BEND7: variants seen among roughly 807,000 people sequenced by gnomAD.
BEND7 encodes the protein BEN domain-containing protein 7.
Under a neutral mutation model 50.9 loss-of-function variants are expected in BEND7, and 28 were observed. That is an observed-to-expected ratio of 0.55 (90% CI 0.41 to 0.75). The LOEUF (loss-of-function observed/expected upper bound fraction) is 0.75, where lower values mean the gene tolerates loss of function less well. BEND7 is among the 30% of genes least tolerant of loss of function. The pLI is 0.00. For missense variants in BEND7, 477 were observed against 491.3 expected (o/e 0.97, Z 0.28); for synonymous variants, 170 against 183.9 (o/e 0.92, Z 0.61).
At chr10:13,513,894 A>G (rs566729339) in intron 2 of BEND7, among the ~76,000 whole-genome samples, 1 of 152,234 alleles carries the variant, frequency 6.6e-6, no homozygotes, top group Non-Finnish European at 1.5e-5. Context: ...TGCACATGAG[A>G]ACCACTGGGG....
intron 2 of BEND7, among the ~76,000 whole-genome samples, chr10:13,514,193 G>A (rs2132520467): frequency 6.6e-6 from 1 of 152,256 alleles, no homozygotes; most frequent in Admixed American, 6.5e-5. Flanking sequence ...AACCTAGTGG[G>A]TTCTACAACC....
At chr10:13,496,733 C>T (rs780036951) in intron 4 of BEND7, 33 bp downstream of exon 4, 1 of 1,598,620 alleles carries the variant, frequency 6.3e-7, no homozygotes, top group Non-Finnish European at 8.5e-7. Flanking sequence ...CATTAAAAAT[C>T]AAAGGACTCA....
intron 8 of BEND7, 135 bp from the exon 9 acceptor site, chr10:13,441,885 G>T: frequency 1.2e-6 from 1 of 841,674 alleles, no homozygotes. Flanking sequence ...AGAAAAAGAA[G>T]CCACACATAT....
chr10:13,481,822 G>T (rs933489803), intron 5 of BEND7, among the ~76,000 whole-genome samples: 9 of 152,232 alleles, frequency 5.9e-5, no homozygotes, highest in African/African-American at 2.2e-4. Flanking sequence ...CTAGCACACT[G>T]CTTCCCTGGC....
intron 7 of BEND7, among the ~76,000 whole-genome samples, chr10:13,449,570 C>T (rs1837234453): frequency 6.6e-6 from 1 of 152,204 alleles, no homozygotes; most frequent in African/African-American, 2.4e-5. Flanking sequence ...ATACCATATG[C>T]ATCGATATGA....
At chr10:13,511,342 G>C (rs1488029152) in intron 2 of BEND7, 1 of 152,100 alleles carries the variant, frequency 6.6e-6, no homozygotes, top group Non-Finnish European at 1.5e-5. Flanking sequence ...TTTTGTTTTT[G>C]GCTTTATAAA....
At chr10:13,463,749 T>G (rs2073952565) in intron 6 of BEND7, among the ~76,000 whole-genome samples, 1 of 152,154 alleles carries the variant, frequency 6.6e-6, no homozygotes, top group African/African-American at 2.4e-5. Flanking sequence ...AAATCTCAAC[T>G]TCGGTAAGAT....
At chr10:13,489,217 C>T (rs2076471448) in intron 5 of BEND7, among the ~76,000 whole-genome samples, 1 of 152,136 alleles carries the variant, frequency 6.6e-6, no homozygotes, top group South Asian at 2.1e-4. Flanking sequence ...CAGGGTCACA[C>T]AGCTGAGAGT....
At chr10:13,518,392 G>A (rs575360616) in intron 2 of BEND7, among the ~76,000 whole-genome samples, 5 of 152,328 alleles carry the variant, frequency 3.3e-5, no homozygotes, top group South Asian at 2.1e-4. Context: ...TCAGAAACCC[G>A]ACAGGCACTA....
At chr10:13,450,263 A>G (rs1196941815) in intron 7 of BEND7, among the ~76,000 whole-genome samples, 2 of 152,222 alleles carry the variant, frequency 1.3e-5, no homozygotes, top group African/African-American at 4.8e-5. Flanking sequence ...TCTCTACCTC[A>G]TTCCAGGAAT....
At position 13,518,651 on chromosome 10, in the gene BEND7, G is replaced by A. The variant is rs960729105; in HGVS notation, c.145+7487C>T. On this transcript the variant is annotated intron_variant, in intron 2 of 8. Transcript: ENST00000466271. ...CTTTCATATGTGAGTTCTCCTTTTC[G>A]GTGTCTTCTGGATTTGAAAAAAGAA... Among the ~76,000 whole-genome samples the A allele has an allele frequency of 3.3e-5, 5 of 152,046 alleles. No homozygotes were observed. The South Asian group carries it at 6.2e-4, about 19-fold the overall frequency.
chr10:13,518,779 G>A (rs2078876033), intron 2 of BEND7, among the ~76,000 whole-genome samples: 3 of 152,150 alleles, frequency 2.0e-5, no homozygotes, highest in Admixed American at 2.0e-4. Flanking sequence ...CTCACTAAAT[G>A]TCTCTAAAAT....
chr10:13,518,026 A>T (rs2078819575), intron 2 of BEND7, among the ~76,000 whole-genome samples: 1 of 152,256 alleles, frequency 6.6e-6, no homozygotes, highest in Non-Finnish European at 1.5e-5. Flanking sequence ...TTCACTGTAT[A>T]GATGGCCATA....
rs763762686 is a variant in BEND7, at chr10:13,528,583, CA to C, written c.-51del. 2,717 of 7,896 alleles carry C rather than the reference CA, an allele frequency of 0.34. 90 individuals are homozygous for C. Among genetic ancestry groups the C allele is most frequent in the South Asian group, 0.51 (1,415 of 2,762 alleles). 0.5% of individuals were successfully genotyped at this position (7,896 alleles called of 1,614,324 possible). ...GCTGAGGAGGCGGCGGCAGCGGCGG[CA>C]GCGGCAGCGGCGGCAGCGGCAGCGG... On this transcript the variant is annotated 5_prime_UTR_variant, in exon 1 of 9. Transcript: ENST00000466271.
Position 13,441,447 on chromosome 10 carries a change from A to AT in BEND7, c.*295_*296insA. 8.8e-7 allele frequency: 1 copy of AT among 1,141,748 alleles called. No homozygotes were observed. The highest frequency in any genetic ancestry group is 1.1e-6 in the Non-Finnish European group (1 of 942,640). 70.7% of individuals were successfully genotyped at this position (1,141,748 alleles called of 1,614,324 possible). On this transcript the variant is annotated 3_prime_UTR_variant, in exon 9 of 9. Coordinates refer to ENST00000466271, the MANE Select transcript of BEND7 (RefSeq NM_001369863.1). ...TCCAGTGTGTAGATCCGTTCATCGC[A>AT]CACATCTTTGGGTTGAACAAGCTCC...
At chr10:13,443,914 A>C (rs927508433) in intron 8 of BEND7, 4 of 152,224 alleles carry the variant, frequency 2.6e-5, no homozygotes, top group African/African-American at 9.6e-5. Flanking sequence ...AAGCAATTGA[A>C]ATGTTCTTCC....
At chr10:13,484,011 C>T (rs2076050082) in intron 5 of BEND7, among the ~76,000 whole-genome samples, 1 of 152,234 alleles carries the variant, frequency 6.6e-6, no homozygotes, top group Admixed American at 6.5e-5. Flanking sequence ...GCTGTCACTG[C>T]TTTCCATTCC....
chr10:13,448,071 T>C (rs1300877033), intron 7 of BEND7, among the ~76,000 whole-genome samples: 1 of 152,164 alleles, frequency 6.6e-6, no homozygotes, highest in African/African-American at 2.4e-5. Context: ...ATTAACGTGG[T>C]CATGAAGAAG....
At chr10:13,509,550 C>G (rs976081068) in intron 2 of BEND7, among the ~76,000 whole-genome samples, 1 of 152,144 alleles carries the variant, frequency 6.6e-6, no homozygotes, top group Non-Finnish European at 1.5e-5. Flanking sequence ...ATGATCAATG[C>G]CTTAGAAATC....
Sources: allele counts gnomAD v4.1 joint callset (sites outside exome capture counted in the v4.1 genomes callset), GRCh38; gene constraint gnomAD v4.1.1; transcripts MANE v1.5; gene names NCBI Gene and HGNC (gene_info 2026-07-23, HGNC 2026-07-21).